Variants in SGCZ observed in about 807,000 individuals in gnomAD.
SGCZ encodes sarcoglycan zeta.
Under a neutral mutation model 41.3 loss-of-function variants are expected in SGCZ, and 40 were observed. That is an observed-to-expected ratio of 0.97 (90% CI 0.75 to 1.26). The LOEUF (loss-of-function observed/expected upper bound fraction) is 1.26, where lower values mean the gene tolerates loss of function less well. Among genes scored for constraint, SGCZ ranks in the 50% most tolerant of loss-of-function variants. The pLI, the probability that SGCZ is intolerant of heterozygous loss-of-function variation, is 0.00. For missense variants in SGCZ, 552 were observed against 369.8 expected (o/e 1.49, Z -4.04); for synonymous variants, 206 against 137.5 (o/e 1.50, Z -3.49).
chr8:15,014,782 G>T (rs1307976210), intron 1 of SGCZ, among the ~76,000 whole-genome samples: 1 of 152,188 alleles, frequency 6.6e-6, no homozygotes, highest in Admixed American at 6.5e-5. Context: ...ATAGGTGTGA[G>T]CATTGTGACA....
chr8:14,838,738 G>C (rs894491756), intron 1 of SGCZ, among the ~76,000 whole-genome samples: 1 of 152,134 alleles, frequency 6.6e-6, no homozygotes, highest in African/African-American at 2.4e-5. Context: ...TAAGACCCTG[G>C]AGTATAAAAT....
intron 2 of SGCZ, among the ~76,000 whole-genome samples, chr8:14,326,111 C>CAAAAAAAAAAAAAA (rs56152915): frequency 0.33 from 12,623 of 37,826 alleles, 5,666 homozygotes; most frequent in South Asian, 0.52. Context: ...GACTCCGTCT[C>CAAAAAAAAAAAAAA]AAAAAAAAAA....
intron 2 of SGCZ, among the ~76,000 whole-genome samples, chr8:14,491,852 C>G (rs905286435): frequency 8.8e-6 from 1 of 113,622 alleles, no homozygotes; most frequent in Non-Finnish European, 1.9e-5. Flanking sequence ...AAATTTTGAC[C>G]CATTAGAAAT....
chr8:14,337,777 T>G (rs186230604), intron 2 of SGCZ, among the ~76,000 whole-genome samples: 2 of 152,056 alleles, frequency 1.3e-5, no homozygotes, highest in East Asian at 3.9e-4. Flanking sequence ...AGTCCAGTGG[T>G]ACCTCCCCTG....
chr8:14,711,445 A>G (rs911931704), intron 1 of SGCZ, among the ~76,000 whole-genome samples: 5 of 150,872 alleles, frequency 3.3e-5, no homozygotes, highest in African/African-American at 1.2e-4. Flanking sequence ...CAAAAAAAAA[A>G]AAAAAAAAAA....
At chr8:14,209,383 T>A (rs1805722611) in intron 4 of SGCZ, among the ~76,000 whole-genome samples, 1 of 151,866 alleles carries the variant, frequency 6.6e-6, no homozygotes, top group Admixed American at 6.6e-5. Flanking sequence ...AACTCACTCC[T>A]TGTGTGTGTT....
At chr8:14,979,415 T>A (rs1403600009) in intron 1 of SGCZ, among the ~76,000 whole-genome samples, 1 of 152,164 alleles carries the variant, frequency 6.6e-6, no homozygotes, top group Non-Finnish European at 1.5e-5. Flanking sequence ...CCATTAAAAA[T>A]TAAAGAATCT....
chr8:14,698,473 C>T (rs1486359871), intron 1 of SGCZ, among the ~76,000 whole-genome samples: 1 of 151,786 alleles, frequency 6.6e-6, no homozygotes, highest in Non-Finnish European at 1.5e-5. Context: ...TTAAAGATCA[C>T]ATTATAAAAG....
chr8:14,837,713 T>A (rs971332451), intron 1 of SGCZ, among the ~76,000 whole-genome samples: 2 of 152,180 alleles, frequency 1.3e-5, no homozygotes, highest in African/African-American at 4.8e-5. Context: ...TTTTTTAAAT[T>A]TCTGTATATT....
rs545080481 is a variant in SGCZ at position 14,154,727 on chromosome 8, G to A, written c.547+9853C>T. Reference sequence around the variant, plus strand: ...GGTAGAGGCTGTTTCAGAAAATTTGGTACAGCTTCCTCCTCTCTCCCTCTT... The same window carrying A: ...GGTAGAGGCTGTTTCAGAAAATTTGATACAGCTTCCTCCTCTCTCCCTCTT... On this transcript the variant is annotated intron_variant, in intron 5 of 7. Coordinates refer to ENST00000382080, the MANE Select transcript of SGCZ (RefSeq NM_139167.4). Among the ~76,000 whole-genome samples, 127 of 152,140 alleles carry A rather than the reference G, an allele frequency of 8.3e-4. 1 individual carries two copies. Among genetic ancestry groups the A allele is most frequent in the East Asian group, 3.9e-4 (2 of 5,156 alleles).
intron 2 of SGCZ, among the ~76,000 whole-genome samples, chr8:14,479,924 T>TA (rs58758724): frequency 0.91 from 137,634 of 151,874 alleles, 63,692 homozygotes; most frequent in East Asian, 1. Context: ...TTTGTATTTT[T>TA]AGTAAAGATA....
chr8:14,826,338 G>A (rs1267000848), intron 1 of SGCZ, among the ~76,000 whole-genome samples: 2 of 152,100 alleles, frequency 1.3e-5, no homozygotes, highest in East Asian at 3.9e-4. Flanking sequence ...TATCATGGTT[G>A]GACATTTGGC....
chr8:14,989,846 C>G (rs1801947986), intron 1 of SGCZ, among the ~76,000 whole-genome samples: 1 of 152,074 alleles, frequency 6.6e-6, no homozygotes, highest in East Asian at 1.9e-4. Flanking sequence ...AAGTAGGAAC[C>G]TGGAATTCTG....
chr8:15,207,257 T>C (rs915149097), intron 1 of SGCZ, among the ~76,000 whole-genome samples: 5 of 152,150 alleles, frequency 3.3e-5, no homozygotes, highest in Non-Finnish European at 7.3e-5. Context: ...ATTAGAAAAC[T>C]GGACCTTTGA....
chr8:14,733,212 T>C (rs1355548414), intron 1 of SGCZ, among the ~76,000 whole-genome samples: 2 of 152,164 alleles, frequency 1.3e-5, no homozygotes, highest in African/African-American at 4.8e-5. Context: ...ACCCCAGGTA[T>C]CTAGGGACAA....
intron 1 of SGCZ, among the ~76,000 whole-genome samples, chr8:14,599,160 CCT>C (rs1805507348): frequency 6.6e-6 from 1 of 152,114 alleles, no homozygotes; most frequent in African/African-American, 2.4e-5. Flanking sequence ...CTTCCTTTGA[CCT>C]CTGTCTCTTA....
chr8:14,212,147 G>T (rs62492299), intron 4 of SGCZ, among the ~76,000 whole-genome samples: 2 of 151,916 alleles, frequency 1.3e-5, no homozygotes, highest in African/African-American at 4.8e-5. Flanking sequence ...TCACATTGTA[G>T]TAAGGAGCAA....
At chr8:14,382,710 G>A (rs182898268) in intron 2 of SGCZ, among the ~76,000 whole-genome samples, 1 of 152,332 alleles carries the variant, frequency 6.6e-6, no homozygotes, top group Non-Finnish European at 1.5e-5. Context: ...TGCCACACTA[G>A]TGTGAATGGG....
At chr8:14,298,889 C>G (rs1801101062) in intron 3 of SGCZ, among the ~76,000 whole-genome samples, 1 of 151,810 alleles carries the variant, frequency 6.6e-6, no homozygotes, top group South Asian at 2.1e-4. Context: ...TTCAAACAGT[C>G]TTGAAAAAAT....
Sources: allele counts gnomAD v4.1 joint callset (sites outside exome capture counted in the v4.1 genomes callset), GRCh38; gene constraint gnomAD v4.1.1; transcripts MANE v1.5; gene names NCBI Gene and HGNC (gene_info 2026-07-23, HGNC 2026-07-21).